Variants in CDHR5 observed in about 807,000 individuals in gnomAD.
The protein encoded by CDHR5 is cadherin-related family member 5.
In CDHR5, 82 loss-of-function variants were observed where a neutral mutation model predicts 69.5. The ratio of observed to expected loss-of-function variants is 1.18; its 90% confidence interval spans 0.99 to 1.42. CDHR5 has a LOEUF of 1.42. Among genes scored for constraint, CDHR5 ranks in the 40% most tolerant of loss-of-function variants. The pLI is 0.00. For missense variants in CDHR5, 1,293 were observed against 1,168.9 expected, an observed-to-expected ratio of 1.11 and a Z score of -1.55; for synonymous variants, 601 against 510.2, an observed-to-expected ratio of 1.18 and a Z score of -2.40.
chr11:622,765 G>A (rs1359236724), intron 3 of CDHR5, among the ~76,000 whole-genome samples: 5 of 151,878 alleles, frequency 3.3e-5, no homozygotes, highest in South Asian at 2.1e-4. Context: ...TGTGAGCCAC[G>A]GCGCCCAGCC....
rs202050408 is a variant in CDHR5, at chr11:620,023, C to T, written c.978+44G>A. ...CCCTGACCCCCCGCCCTACCTTCCA[C>T]CCTTCCCCCTCTGCCCTGCCCCCCA... is the stretch of plus-strand genomic sequence containing the variant. On this transcript the variant is annotated intron_variant, in intron 9 of 14. Coordinates refer to ENST00000397542, the MANE Select transcript of CDHR5 (RefSeq NM_021924.5). 7.2e-5 allele frequency: 102 copies of T among 1,416,878 alleles called. No homozygotes were observed. The African/African-American group carries it at 1.4e-3, about 19-fold the overall frequency. The allele number at this position is 1,416,878 out of a possible 1,614,324, so 87.8% of individuals were successfully genotyped here. A position where few individuals can be genotyped will look rare whatever the true frequency, so the allele number is the denominator to read the frequency against.
Position 621,302 on chromosome 11 carries a change from G to T in CDHR5, c.618+43C>A. ...GGCCTGGGAGCAGCTGGGGCCGGGG[G>T]GCCTCAAGTGTGTGGGACTCGGGGC... is the stretch of plus-strand genomic sequence containing the variant. On this transcript the variant is annotated intron_variant, in intron 6 of 14. Transcript: ENST00000397542. This position sits in a 1 kb window ranked among gnomAD's most constrained non-coding sequence, Gnocchi z 4.4. 6 of 1,611,034 alleles carry T rather than the reference G, an allele frequency of 3.7e-6. No homozygotes were observed. The highest frequency in any genetic ancestry group is 5.1e-6 in the Non-Finnish European group (6 of 1,178,044).
At chr11:617,892 C>A in intron 14 of CDHR5, 62 bp downstream of exon 14, 2 of 1,565,740 alleles carry the variant, frequency 1.3e-6, no homozygotes, top group South Asian at 1.2e-5. Context: ...CCTCCCCTCT[C>A]CTGTCCCCCG....
Position 624,497 on chromosome 11 carries a change from C to T in CDHR5, c.261+60G>A. ...CCTAGGCCCCCAAGGGAGGTGTGGC[C>T]TGAGGATGCAGGTGCCCTTCTCCCG... is the stretch of plus-strand genomic sequence containing the variant. On this transcript the variant is annotated intron_variant, in intron 2 of 14. Transcript: ENST00000397542. The surrounding 1 kb of genome is among the most constrained non-coding windows in gnomAD (Gnocchi z 5.3). 6.5e-7 allele frequency: 1 copy of T among 1,541,480 alleles called. No individual in the cohort carries two copies. The highest frequency in any genetic ancestry group is 9.0e-7 in the Non-Finnish European group (1 of 1,115,076).
At position 619,135 on chromosome 11, in the gene CDHR5, G is replaced by A. The variant is rs1286277599; in HGVS notation, c.1424C>T (p.Thr475Ile). The A allele has an allele frequency of 1.3e-6, 2 of 1,583,662 alleles. No individual in the cohort carries two copies. The highest frequency in any genetic ancestry group is 1.7e-6 in the Non-Finnish European group (2 of 1,166,836). Residue 475 changes from threonine to isoleucine, a missense_variant, in exon 13 of 15, where the codon ACC becomes ATC. Thr to Ile is a moderately conservative substitution (Grantham distance 89). Coordinates refer to ENST00000397542, the MANE Select transcript of CDHR5 (RefSeq NM_021924.5). ...PEAGGTTGPW[T>I]STTSEVPRPP... ...TCTGGGGACCTCGGAAGTGGTGCTG[G>A]TCCAGGGCCCAGTTGTTCCTCCAGC... is the stretch of plus-strand genomic sequence containing the variant.
Position 618,829 on chromosome 11 carries a change from C to T in CDHR5, c.1730G>A (p.Gly577Glu). The T allele has an allele frequency of 6.2e-7, 1 of 1,608,704 alleles. No homozygotes were observed. Among genetic ancestry groups the T allele is most frequent in the Non-Finnish European group, 8.5e-7 (1 of 1,178,934 alleles). The change falls in exon 13 of 15, where the codon GGA becomes GAA. Residue 577 changes from glycine to glutamate, a missense_variant. Transcript: ENST00000397542. ...ACTGGGGGGCATCGGCTGAGAGGTTCCTGGCTCTGGGGTCTGTGCTGTGCC... is the reference window on the plus strand; with the variant it reads ...ACTGGGGGGCATCGGCTGAGAGGTTTCTGGCTCTGGGGTCTGTGCTGTGCC... ...SGGTAQTPEP[G>E]TSQPMPPSMG...
chr11:619,417 C>A, intron 11 of CDHR5, 27 bp from the exon 12 acceptor site: 1 of 1,608,978 alleles, frequency 6.2e-7, no homozygotes, highest in Non-Finnish European at 8.5e-7. Flanking sequence ...CTTGTCCCTC[C>A]TAGACACATC....
At position 619,037 on chromosome 11, in the gene CDHR5, T is replaced by C. The variant is rs575961341; in HGVS notation, c.1522A>G (p.Thr508Ala). 2.5e-6 allele frequency: 4 copies of C among 1,613,100 alleles called. No homozygotes were observed. Among genetic ancestry groups the C allele is most frequent in the East Asian group, 4.5e-5 (2 of 44,814 alleles). ...GACGAGGTTGGTGGCCTCAGAGTTG[T>C]GCCAGAGGGTGGATGAGGGCCTGTG... ...GGTGPHPPSG[T>A]TLRPPTSSTP... Residue 508 changes from threonine (T) to alanine (A), a missense_variant, in exon 13 of 15, where the codon ACA becomes GCA. By Grantham distance (58) the Thr-to-Ala change is moderately conservative (BLOSUM62 0). Transcript: ENST00000397542.
chr11:620,400 G>A lies in CDHR5; in HGVS notation c.790-14C>T, dbSNP rs750258463. ...GAGGGGAGATGGCTTCAGGGATGGCGGAAGGGAGGGCACGTCGTGGGGCTG... is the reference window on the plus strand; with the variant it reads ...GAGGGGAGATGGCTTCAGGGATGGCAGAAGGGAGGGCACGTCGTGGGGCTG... On this transcript the variant is annotated splice_polypyrimidine_tract_variant and intron_variant, in intron 7 of 14. Coordinates refer to ENST00000397542, the MANE Select transcript of CDHR5 (RefSeq NM_021924.5). 10 of 1,572,146 alleles carry A rather than the reference G, an allele frequency of 6.4e-6. No individual in the cohort carries two copies. The highest frequency in any genetic ancestry group is 4.5e-5 in the East Asian group (2 of 44,370).
Position 621,777 on chromosome 11 carries a change from C to T in CDHR5, c.405+35G>A. The T allele has an allele frequency of 6.3e-7, 1 of 1,588,906 alleles. No homozygotes were observed. The highest frequency in any genetic ancestry group is 8.6e-7 in the Non-Finnish European group (1 of 1,158,302). ...TGCCCTCACCCTGGGCTCCCACACC[C>T]CCGTGCCCAGTCCCCGCGGCTTCGC... On this transcript the variant is annotated intron_variant, in intron 4 of 14. Transcript: ENST00000397542. This position sits in a 1 kb window ranked among gnomAD's most constrained non-coding sequence, Gnocchi z 4.4.
In CDHR5 at chr11:618,971, G is replaced by T. The variant is rs1857174500; in HGVS notation, c.1588C>A (p.His530Asn). The T allele has an allele frequency of 6.2e-7, 1 of 1,613,448 alleles. No individual in the cohort carries two copies. The highest frequency in any genetic ancestry group is 1.3e-5 in the African/African-American group (1 of 74,826). ...GPPGAENSTS[H>N]QPATPGGDTA... ...TCCCCACCGGGAGTGGCTGGTTGGT[G>T]GGAGGTGCTGTTTTCTGCACCCGGG... The change falls in exon 13 of 15, where the codon CAC (histidine) becomes AAC (asparagine). Residue 530 changes from histidine (H) to asparagine (N), a missense_variant. Physicochemically the swap from His to Asn is moderately conservative, Grantham distance 68. Coordinates refer to ENST00000397542, the MANE Select transcript of CDHR5 (RefSeq NM_021924.5).
rs533673774 is a variant in CDHR5, at chr11:618,721, A to G, written c.1838T>C (p.Met613Thr). The G allele has an allele frequency of 1.3e-6, 2 of 1,597,100 alleles. No individual in the cohort carries two copies. The highest frequency in any genetic ancestry group is 2.3e-5 in the East Asian group (1 of 43,700). The change falls in exon 13 of 15, where the codon ATG becomes ACG. Residue 613 changes from methionine (M) to threonine (T), a missense_variant. Physicochemically the swap from Met to Thr is moderately conservative, Grantham distance 81 (BLOSUM62 -1). Coordinates refer to ENST00000397542, the MANE Select transcript of CDHR5 (RefSeq NM_021924.5). ...GGTGCTGGTTCCCATACCGGGGGGC[A>G]TCGGCTGAGAGGTTCCTGCCTCTGG... ...QTPEAGTSQP[M>T]PPGMGTSTSH... is the part of the protein sequence containing the mutation.
chr11:619,955 A>G (rs2133195546), intron 9 of CDHR5, 74 bp from the exon 10 acceptor site: 1 of 1,429,786 alleles, frequency 7.0e-7, no homozygotes. Flanking sequence ...GGCTCAGGAA[A>G]GGCAGGTGCA....
At position 624,616 on chromosome 11, in the gene CDHR5, G is replaced by T; in HGVS notation, c.202C>A (p.Pro68Thr). Residue 68 changes from proline to threonine, a missense_variant, in exon 2 of 15, where the codon CCC becomes ACC. Pro to Thr is a conservative substitution (Grantham distance 38, BLOSUM62 -1). Coordinates refer to ENST00000397542, the MANE Select transcript of CDHR5 (RefSeq NM_021924.5). This position sits in a 1 kb window ranked among gnomAD's most constrained non-coding sequence, Gnocchi z 5.3. Reference sequence around the variant, plus strand: ...TTTCCCTGGATCCGAAATGCAAAGGGGGTGGACAAGGCTCCGAGGGTCACC... The same window carrying T: ...TTTCCCTGGATCCGAAATGCAAAGGTGGTGGACAAGGCTCCGAGGGTCACC... The part of the protein sequence containing the change: ...QEVTLGALST[P>T]FAFRIQGNQL... 1 of 1,612,868 alleles carries T rather than the reference G, an allele frequency of 6.2e-7. No homozygotes were observed. Among genetic ancestry groups the T allele is most frequent in the Non-Finnish European group, 8.5e-7 (1 of 1,179,120 alleles).
Position 617,647 on chromosome 11 carries a change from C to A in CDHR5, c.2242G>T (p.Ala748Ser), listed in dbSNP as rs777311849. 3 of 1,537,012 alleles carry A rather than the reference C, an allele frequency of 2.0e-6. No homozygotes were observed. Among genetic ancestry groups the A allele is most frequent in the Non-Finnish European group, 8.7e-7 (1 of 1,145,302 alleles). ...PAEAPMPAEP[A>S]PPGPASPGGA... is the part of the protein sequence containing the mutation. ...CCTGGGGAGGCAGGGCCGGGGGGTGCGGGCTCTGCGGGCATCGGTGCCTCC... is the reference window on the plus strand; with the variant it reads ...CCTGGGGAGGCAGGGCCGGGGGGTGAGGGCTCTGCGGGCATCGGTGCCTCC... Residue 748 changes from alanine to serine, a missense_variant, in exon 15 of 15, where the codon GCA becomes TCA. Ala to Ser is a moderately conservative substitution (Grantham distance 99, BLOSUM62 1). Coordinates refer to ENST00000397542, the MANE Select transcript of CDHR5 (RefSeq NM_021924.5).
chr11:617,631 G>A lies in CDHR5; in HGVS notation c.2258C>T (p.Ala753Val), dbSNP rs755486369. Residue 753 changes from alanine (A) to valine (V), a missense_variant, in exon 15 of 15, where the codon GCC becomes GTC. Transcript: ENST00000397542. ...GGGCTCAGGGGCACCGCCTGGGGAG[G>A]CAGGGCCGGGGGGTGCGGGCTCTGC... Reference protein sequence around the residue: ...MPAEPAPPGPASPGGAPEPPA... With the variant: ...MPAEPAPPGPVSPGGAPEPPA... The A allele has an allele frequency of 1.3e-6, 2 of 1,582,046 alleles. No homozygotes were observed. Among genetic ancestry groups the A allele is most frequent in the Non-Finnish European group, 1.7e-6 (2 of 1,165,254 alleles).
intron 13 of CDHR5, 71 bp from the exon 14 acceptor site, chr11:618,182 G>A (rs1175776499): frequency 4.5e-6 from 6 of 1,327,404 alleles, no homozygotes; most frequent in Non-Finnish European, 6.3e-6. Context: ...ATGCCAACCT[G>A]TGCCAGGCTT....
chr11:624,272 G>T lies in CDHR5; in HGVS notation c.262-9C>A. The T allele has an allele frequency of 2.6e-6, 2 of 767,232 alleles. No homozygotes were observed. The highest frequency in any genetic ancestry group is 4.9e-6 in the Non-Finnish European group (2 of 412,146). 47.5% of individuals were successfully genotyped at this position (767,232 alleles called of 1,614,324 possible). On this transcript the variant is annotated splice_polypyrimidine_tract_variant and intron_variant, in intron 2 of 14. Transcript: ENST00000397542. The surrounding 1 kb of genome is among the most constrained non-coding windows in gnomAD (Gnocchi z 5.3). Reference sequence around the variant, plus strand: ...TCAAGCAGTGACTTCTCCTGTGGATGTAGACAGGTCTGCAGTCACCGTCCT... The same window carrying T: ...TCAAGCAGTGACTTCTCCTGTGGATTTAGACAGGTCTGCAGTCACCGTCCT...
rs1728541364 is a variant in CDHR5, at chr11:624,665, G to T, written c.153C>A (p.Asp51Glu). 6.2e-7 allele frequency: 1 copy of T among 1,613,436 alleles called. No homozygotes were observed. Among genetic ancestry groups the T allele is most frequent in the African/African-American group, 1.3e-5 (1 of 74,942 alleles). Reference sequence around the variant, plus strand: ...CCTCCTGGCCCTCCGGGACGTGGATGTCCACCAGCGGCTCGGTGACATTTG... The same window carrying T: ...CCTCCTGGCCCTCCGGGACGTGGATTTCCACCAGCGGCTCGGTGACATTTG... ...ENTNVTEPLV[D>E]IHVPEGQEVT... The change falls in exon 2 of 15, where the codon GAC becomes GAA. Residue 51 changes from aspartate (D) to glutamate (E), a missense_variant. Coordinates refer to ENST00000397542, the MANE Select transcript of CDHR5 (RefSeq NM_021924.5). This position sits in a 1 kb window ranked among gnomAD's most constrained non-coding sequence, Gnocchi z 5.3.
Sources: allele counts gnomAD v4.1 joint callset (sites outside exome capture counted in the v4.1 genomes callset), GRCh38; gene constraint gnomAD v4.1.1; non-coding constraint Gnocchi (gnomAD v3.1); transcripts MANE v1.5; gene names NCBI Gene and HGNC (gene_info 2026-07-23, HGNC 2026-07-21).